ANXA8: variants seen among roughly 807,000 people sequenced by gnomAD.
The protein encoded by ANXA8 is VAC-beta.
ANXA8 carries 9 observed loss-of-function variants against 26.8 expected under a neutral mutation model. The observed-to-expected ratio is 0.34, with a 90% confidence interval of 0.20 to 0.59. ANXA8 has a LOEUF of 0.59. Ranked by LOEUF, ANXA8 falls within the 20% of genes least tolerant of loss-of-function variation. The pLI is 0.84. For synonymous variants in ANXA8, 39 were observed against 94.8 expected (o/e 0.41, Z 3.42); for missense variants, 83 against 238.5 (o/e 0.35, Z 4.29).
At chr10:47,639,258 G>A in the ANXA8 span, among the ~76,000 whole-genome samples, 1 of 126,518 alleles carries the variant, frequency 7.9e-6, no homozygotes, top group South Asian at 2.5e-4. Context: ...TCAGCCTCCC[G>A]AGCAGCTGGG....
the ANXA8 span, among the ~76,000 whole-genome samples, chr10:47,591,578 G>T: frequency 7.0e-6 from 1 of 141,982 alleles, no homozygotes; most frequent in African/African-American, 3.0e-5. Context: ...CAAGTAGCTG[G>T]GACTACAGGC....
At chr10:47,907,313 C>A in the ANXA8 span, among the ~76,000 whole-genome samples, 3,685 of 151,074 alleles carry the variant, frequency 0.024, no homozygotes, top group African/African-American at 0.085. Context: ...GCCGAGATCA[C>A]GCCACTGCAC....
chr10:47,660,917 CA>C, the ANXA8 span, among the ~76,000 whole-genome samples: 1 of 151,428 alleles, frequency 6.6e-6, no homozygotes, highest in African/African-American at 2.4e-5. Flanking sequence ...AAAAGTTTTT[CA>C]TCTTTTGCTG....
At chr10:47,519,544 C>T in the ANXA8 span, among the ~76,000 whole-genome samples, 1 of 101,228 alleles carries the variant, frequency 9.9e-6, no homozygotes, top group Non-Finnish European at 1.9e-5. Flanking sequence ...ACCTGCTTCC[C>T]CTTTGCCTTT....
chr10:47,624,649 T>G, the ANXA8 span, among the ~76,000 whole-genome samples: 1 of 66,026 alleles, frequency 1.5e-5, no homozygotes, highest in Non-Finnish European at 3.3e-5. Flanking sequence ...TTTTTATGTT[T>G]CATTATTTGA....
chr10:47,490,586 G>C, the ANXA8 span, among the ~76,000 whole-genome samples: 1 of 151,614 alleles, frequency 6.6e-6, no homozygotes, highest in Non-Finnish European at 1.5e-5. Context: ...GAGAATGGCA[G>C]TGCTAGAAGC....
At chr10:47,969,270 C>T in the ANXA8 span, among the ~76,000 whole-genome samples, 1 of 151,460 alleles carries the variant, frequency 6.6e-6, no homozygotes, top group Non-Finnish European at 1.5e-5. Context: ...TTTCAGCTTT[C>T]CAACTAACGC....
At chr10:47,565,763 G>A in the ANXA8 span, 6 of 707,076 alleles carry the variant, frequency 8.5e-6, no homozygotes, top group African/African-American at 3.6e-5. Flanking sequence ...TGCTGTTTGC[G>A]CCCTTCGGCC....
the ANXA8 span, among the ~76,000 whole-genome samples, chr10:47,723,636 A>G: frequency 7.2e-6 from 1 of 139,376 alleles, no homozygotes; most frequent in Non-Finnish European, 1.6e-5. Context: ...CCCTCTTTAA[A>G]TGCTGGGGTT....
the ANXA8 span, among the ~76,000 whole-genome samples, chr10:47,525,699 T>C: frequency 7.3e-6 from 1 of 136,398 alleles, no homozygotes; most frequent in East Asian, 3.0e-4. Context: ...GTGAAATTGT[T>C]TCTCTAATTT....
the ANXA8 span, among the ~76,000 whole-genome samples, chr10:47,567,669 T>C: frequency 6.6e-6 from 1 of 151,440 alleles, no homozygotes; most frequent in Non-Finnish European, 1.5e-5. Flanking sequence ...TTGTTGCATT[T>C]GCAATCTATG....
At chr10:47,625,632 T>A in the ANXA8 span, among the ~76,000 whole-genome samples, 1 of 152,106 alleles carries the variant, frequency 6.6e-6, no homozygotes, top group African/African-American at 2.4e-5. Flanking sequence ...AGCATTGGTG[T>A]GTCAGTGTTT....
At chr10:47,555,035 C>T in the ANXA8 span, among the ~76,000 whole-genome samples, 1 of 151,020 alleles carries the variant, frequency 6.6e-6, no homozygotes, top group Non-Finnish European at 1.5e-5. Context: ...CACAGTATCC[C>T]ACTCTGACCA....
the ANXA8 span, among the ~76,000 whole-genome samples, chr10:47,714,325 T>C: frequency 6.8e-6 from 1 of 148,042 alleles, no homozygotes; most frequent in Non-Finnish European, 1.5e-5. Flanking sequence ...TGTTTGATGA[T>C]TTTCCACCAA....
At chr10:47,954,282 A>T in the ANXA8 span, among the ~76,000 whole-genome samples, 1 of 151,072 alleles carries the variant, frequency 6.6e-6, no homozygotes, top group African/African-American at 2.4e-5. Context: ...AAATGAAATA[A>T]AAAAGGCACA....
At chr10:47,936,818 G>A in the ANXA8 span, among the ~76,000 whole-genome samples, 1 of 152,018 alleles carries the variant, frequency 6.6e-6, no homozygotes, top group Non-Finnish European at 1.5e-5. Flanking sequence ...GCGCTGCCCT[G>A]GAAGGGTCAG....
chr10:47,670,999 C>T, the ANXA8 span, among the ~76,000 whole-genome samples: 3 of 151,588 alleles, frequency 2.0e-5, no homozygotes, highest in East Asian at 1.9e-4. Context: ...TAAGAAATTA[C>T]TTAAGACAGA....
chr10:47,768,329 A>G, the ANXA8 span, among the ~76,000 whole-genome samples: 4 of 151,638 alleles, frequency 2.6e-5, no homozygotes, highest in African/African-American at 4.9e-5. Flanking sequence ...CATGCATCCA[A>G]TGAGCCATAA....
the ANXA8 span, among the ~76,000 whole-genome samples, chr10:47,748,433 A>C: frequency 6.6e-6 from 1 of 151,818 alleles, no homozygotes; most frequent in Non-Finnish European, 1.5e-5. Flanking sequence ...GGTTGGTCTC[A>C]AACTTCTGAC....
Sources: allele counts gnomAD v4.1 joint callset (sites outside exome capture counted in the v4.1 genomes callset), GRCh38; gene constraint gnomAD v4.1.1; transcripts MANE v1.5; gene names NCBI Gene and HGNC (gene_info 2026-07-23, HGNC 2026-07-21).